RBM33: variants seen among roughly 807,000 people sequenced by gnomAD.
The protein encoded by RBM33 is RNA binding motif protein 33.
RBM33 carries 28 observed loss-of-function variants against 132.6 expected under a neutral mutation model. The ratio of observed to expected loss-of-function variants is 0.21; its 90% CI spans 0.16 to 0.29. RBM33 has a LOEUF of 0.29. Ranked by LOEUF, RBM33 falls within the 10% of genes least tolerant of loss-of-function variation. The pLI is 1.00. For missense variants in RBM33, 1,291 were observed against 1,518.5 expected (o/e 0.85, Z 2.49); for synonymous variants, 634 against 593.0 (o/e 1.07, Z -1.01).
intron 5 of RBM33, among the ~76,000 whole-genome samples, chr7:155,683,284 C>T (rs1472595617): frequency 6.6e-6 from 1 of 152,246 alleles, no homozygotes; most frequent in Non-Finnish European, 1.5e-5. Flanking sequence ...GGGAGCCTCT[C>T]TCTGTCTTCG....
chr7:155,665,258 G>A lies in RBM33; in HGVS notation c.122+5G>A, dbSNP rs1407880868. 4.3e-6 allele frequency: 7 copies of A among 1,612,028 alleles called. No individual in the cohort carries two copies. Among genetic ancestry groups the A allele is most frequent in the Non-Finnish European group, 5.1e-6 (6 of 1,178,316 alleles). On this transcript the variant is annotated splice_donor_5th_base_variant and intron_variant, in intron 2 of 17. Coordinates refer to ENST00000401878, the MANE Select transcript of RBM33 (RefSeq NM_053043.3). ...TGCTGATGAGGACTGGGACAGGTAC[G>A]TGCACCCTGTGCTTCACCTAACTGC...
intron 4 of RBM33, among the ~76,000 whole-genome samples, chr7:155,679,164 G>A (rs1256585536): frequency 1.3e-5 from 2 of 151,174 alleles, no homozygotes; most frequent in Non-Finnish European, 2.9e-5. Context: ...AGAGTGAAAC[G>A]CCGTCTTAAA....
At chr7:155,659,473 G>T (rs1360028635) in intron 1 of RBM33, among the ~76,000 whole-genome samples, 1 of 151,970 alleles carries the variant, frequency 6.6e-6, no homozygotes, top group African/African-American at 2.4e-5. Flanking sequence ...CTTTAGAGGG[G>T]ATCAGTAGCA....
rs74338468 is a variant in RBM33 at position 155,685,359 on chromosome 7, T to C, written c.567+4451T>C. ...CAGTGTGGTAATTCTTTTTAATTAG[T>C]AACAGTTAATTTGGACCATTCAACA... On this transcript the variant is annotated intron_variant, in intron 5 of 17. Coordinates refer to ENST00000401878, the MANE Select transcript of RBM33 (RefSeq NM_053043.3). Among the ~76,000 whole-genome samples, 961 of 152,326 alleles carry C rather than the reference T, an allele frequency of 6.3e-3. 17 individuals are homozygous for C. Among genetic ancestry groups the C allele is most frequent in the African/African-American group, 0.021 (893 of 41,570 alleles).
intron 5 of RBM33, among the ~76,000 whole-genome samples, chr7:155,695,665 T>A (rs920240325): frequency 6.6e-6 from 1 of 152,206 alleles, no homozygotes; most frequent in African/African-American, 2.4e-5. Flanking sequence ...TTCACCACGT[T>A]GGCCAAGCTG....
chr7:155,714,375 C>T (rs531846017), intron 8 of RBM33, among the ~76,000 whole-genome samples: 5 of 152,194 alleles, frequency 3.3e-5, no homozygotes, highest in African/African-American at 7.2e-5. Context: ...TAGAGTTGAA[C>T]GATTGTTTGA....
intron 14 of RBM33, among the ~76,000 whole-genome samples, chr7:155,759,896 T>C (rs1801978939): frequency 6.6e-6 from 1 of 152,218 alleles, no homozygotes. Context: ...TCATGTTCTG[T>C]GAACATCGTT....
chr7:155,775,035 G>A lies in RBM33; in HGVS notation c.3507G>A (p.Val1169=). Residue 1169 remains valine, a synonymous_variant, in exon 18 of 18, where the codon GTG becomes GTA. Transcript: ENST00000401878. ...CCCACATAAATGTGGCCCTGATCGT[G>A]GAGTGAGTCCTAACAAGAGAGCCTG... The part of the protein sequence containing the change: ...DLSHINVALI[V]E 6.2e-7 allele frequency: 1 copy of A among 1,613,436 alleles called. No individual in the cohort carries two copies. The highest frequency in any genetic ancestry group is 8.5e-7 in the Non-Finnish European group (1 of 1,179,406).
chr7:155,710,849 C>T (rs1028175744), intron 7 of RBM33, among the ~76,000 whole-genome samples: 3 of 151,824 alleles, frequency 2.0e-5, no homozygotes, highest in Non-Finnish European at 4.4e-5. Flanking sequence ...GTGGCAGCTG[C>T]TCTTCTGTCC....
chr7:155,692,395 G>A (rs1054194037), intron 5 of RBM33, among the ~76,000 whole-genome samples: 1 of 152,114 alleles, frequency 6.6e-6, no homozygotes, highest in African/African-American at 2.4e-5. Flanking sequence ...CCTTTGTTCC[G>A]GAATATCTTT....
intron 6 of RBM33, among the ~76,000 whole-genome samples, chr7:155,701,837 G>A (rs1378476397): frequency 6.6e-6 from 1 of 152,114 alleles, no homozygotes; most frequent in Non-Finnish European, 1.5e-5. Context: ...ACAGGTGCGT[G>A]CCACCACACC....
chr7:155,737,758 T>A, intron 10 of RBM33, 96 bp downstream of exon 10: 1 of 1,338,464 alleles, frequency 7.5e-7, no homozygotes, highest in Admixed American at 3.2e-5. Flanking sequence ...GAACTCCCAG[T>A]TGGAGATGTT....
At chr7:155,760,477 G>A (rs1052954991) in intron 14 of RBM33, among the ~76,000 whole-genome samples, 56 of 152,214 alleles carry the variant, frequency 3.7e-4, no homozygotes, top group Non-Finnish European at 3.4e-4. Flanking sequence ...GCCCTCATGG[G>A]ACCTGGAGGT....
intron 5 of RBM33, among the ~76,000 whole-genome samples, chr7:155,682,780 C>T (rs1200682812): frequency 6.6e-6 from 1 of 152,188 alleles, no homozygotes; most frequent in Non-Finnish European, 1.5e-5. Context: ...GGTGTTCTTG[C>T]AGAGTTTGTT....
intron 11 of RBM33, 94 bp from the exon 12 acceptor site, chr7:155,739,621 T>C: frequency 7.3e-7 from 1 of 1,369,324 alleles, no homozygotes; most frequent in Non-Finnish European, 9.7e-7. Context: ...GAAAGTTCCT[T>C]TCTTGTGTTG....
intron 5 of RBM33, among the ~76,000 whole-genome samples, chr7:155,692,794 G>T (rs916900249): frequency 1.3e-5 from 2 of 152,154 alleles, no homozygotes; most frequent in African/African-American, 4.8e-5. Flanking sequence ...CCTGTCCTTG[G>T]ACTCAACAAT....
At chr7:155,701,788 A>G (rs566186659) in intron 6 of RBM33, among the ~76,000 whole-genome samples, 67 of 149,070 alleles carry the variant, frequency 4.5e-4, no homozygotes, top group Admixed American at 1.5e-3. Flanking sequence ...CCCAGGTTCA[A>G]CTGAGTCTTC....
chr7:155,765,221 G>A lies in RBM33; in HGVS notation c.3186+1203G>A, dbSNP rs115635756. Among the ~76,000 whole-genome samples the A allele has an allele frequency of 2.8e-3, 425 of 152,266 alleles. 3 individuals carry two copies. The highest frequency in any genetic ancestry group is 1.0e-2 in the African/African-American group (414 of 41,540). On this transcript the variant is annotated intron_variant, in intron 15 of 17. Coordinates refer to ENST00000401878, the MANE Select transcript of RBM33 (RefSeq NM_053043.3). ...GAAGATGCATTTAAAAAAACCTGGT[G>A]CCTGGTGTATATAAGTAGGCATTTG...
At chr7:155,773,568 CAAAAAAAAAA>C (rs201127157) in intron 16 of RBM33, among the ~76,000 whole-genome samples, 36 of 50,476 alleles carry the variant, frequency 7.1e-4, no homozygotes, top group African/African-American at 1.1e-3. Context: ...ACTCCATCTC[CAAAAAAAAAA>C]AAAAAAAAAA....
Sources: gnomAD v4.1 joint callset for allele counts (sites outside exome capture counted in the v4.1 genomes callset) on GRCh38, gnomAD v4.1.1 for gene constraint, MANE v1.5 for transcripts, NCBI Gene and HGNC (gene_info 2026-07-23, HGNC 2026-07-21) for gene names.